Variants in GRM7 observed in about 807,000 individuals in gnomAD.
The protein encoded by GRM7 is glutamate metabotropic receptor 7.
GRM7 carries 35 observed loss-of-function variants against 84.5 expected under a neutral mutation model. That is an observed-to-expected ratio of 0.41 (90% CI 0.32 to 0.55). The LOEUF is 0.55. Among genes scored for constraint, GRM7 ranks in the 20% least tolerant of loss-of-function variants. The probability of loss-of-function intolerance (pLI) is 0.19; values close to 1 mark genes in which losing one functional copy is unlikely to be tolerated. For missense variants in GRM7, 1,003 were observed against 1,194.6 expected (o/e 0.84, Z 2.36); for synonymous variants, 487 against 455.1 (o/e 1.07, Z -0.89).
intron 8 of GRM7, among the ~76,000 whole-genome samples, chr3:7,614,287 G>T (rs1696979678): frequency 6.6e-6 from 1 of 151,556 alleles, no homozygotes; most frequent in South Asian, 2.1e-4. Context: ...TAAATAAATT[G>T]TAATATCCTG....
chr3:7,683,525 TC>T (rs1277058067), intron 9 of GRM7, among the ~76,000 whole-genome samples: 12 of 152,150 alleles, frequency 7.9e-5, no homozygotes, highest in African/African-American at 2.9e-4. Context: ...AGGAGGAGAT[TC>T]ATGTACCTCC....
At chr3:6,965,185 G>A (rs551341905) in intron 1 of GRM7, among the ~76,000 whole-genome samples, 1 of 152,284 alleles carries the variant, frequency 6.6e-6, no homozygotes, top group African/African-American at 2.4e-5. Flanking sequence ...GGAACTGATG[G>A]AAAACTAATG....
chr3:6,995,453 G>T (rs1213240273), intron 1 of GRM7, among the ~76,000 whole-genome samples: 1 of 152,214 alleles, frequency 6.6e-6, no homozygotes, highest in African/African-American at 2.4e-5. Context: ...CCTCTGAGGT[G>T]TTGAGGTTGT....
chr3:7,693,749 G>A, intron 9 of GRM7: 1 of 994,066 alleles, frequency 1.0e-6, no homozygotes, highest in African/African-American at 1.6e-5. Context: ...GCCCACCAAT[G>A]AACTTAATGA....
intron 8 of GRM7, among the ~76,000 whole-genome samples, chr3:7,613,201 T>C (rs1270006373): frequency 1.3e-5 from 2 of 152,308 alleles, no homozygotes; most frequent in Admixed American, 1.3e-4. Flanking sequence ...GCTACCAGAT[T>C]AATAAGGTTT....
intron 2 of GRM7, among the ~76,000 whole-genome samples, chr3:7,294,905 A>G (rs1357757024): frequency 1.3e-5 from 2 of 152,208 alleles, no homozygotes; most frequent in Admixed American, 1.3e-4. Flanking sequence ...TTATTTATAT[A>G]TACTGGATAC....
intron 2 of GRM7, among the ~76,000 whole-genome samples, chr3:7,155,159 G>A (rs1325867314): frequency 2.6e-5 from 4 of 151,986 alleles, no homozygotes; most frequent in Non-Finnish European, 5.9e-5. Flanking sequence ...CTCAAATTTC[G>A]GTATCTCATC....
intron 7 of GRM7, among the ~76,000 whole-genome samples, chr3:7,470,581 G>A (rs1319476651): frequency 6.6e-6 from 1 of 152,084 alleles, no homozygotes; most frequent in East Asian, 1.9e-4. Flanking sequence ...ACATTAGAGA[G>A]CCTAAACCTC....
rs148238268 is a variant in GRM7 at position 6,876,726 on chromosome 3, G to A, written c.519+14819G>A. ...AGACGATTCTCTTGCCTCAGCCACT[G>A]GAGAAGCTGGGATTATAGGCACCCG... On this transcript the variant is annotated intron_variant, in intron 1 of 9. Coordinates refer to ENST00000357716, the MANE Select transcript of GRM7 (RefSeq NM_000844.4). Among the ~76,000 whole-genome samples the A allele has an allele frequency of 7.8e-4, 118 of 150,834 alleles. 2 individuals carry two copies. In the East Asian group the frequency reaches 0.018, roughly 23 times the overall value.
intron 8 of GRM7, among the ~76,000 whole-genome samples, chr3:7,595,572 TC>T (rs2125066499): frequency 6.6e-6 from 1 of 152,198 alleles, no homozygotes; most frequent in South Asian, 2.1e-4. Context: ...ATGTAATATA[TC>T]AGTTGCTTAA....
At chr3:7,333,575 C>T (rs1701293620) in intron 4 of GRM7, among the ~76,000 whole-genome samples, 1 of 151,868 alleles carries the variant, frequency 6.6e-6, no homozygotes, top group Non-Finnish European at 1.5e-5. Context: ...CTATAACATC[C>T]CCAAAAGATC....
intron 1 of GRM7, among the ~76,000 whole-genome samples, chr3:6,916,159 G>A (rs1696932001): frequency 1.3e-5 from 2 of 152,148 alleles, no homozygotes; most frequent in South Asian, 4.1e-4. Context: ...CTGTGTGTCA[G>A]ACACTAAAGA....
intron 4 of GRM7, among the ~76,000 whole-genome samples, chr3:7,411,166 G>A (rs534204779): frequency 5.3e-5 from 8 of 152,228 alleles, no homozygotes; most frequent in African/African-American, 1.9e-4. Context: ...AATAATCCAG[G>A]ATCATCCTGT....
At chr3:7,321,745 CT>C (rs906053727) in intron 4 of GRM7, among the ~76,000 whole-genome samples, 5 of 150,210 alleles carry the variant, frequency 3.3e-5, no homozygotes, top group Non-Finnish European at 6.0e-5. Flanking sequence ...AAATTTCTGT[CT>C]GATGTTTTAA....
intron 1 of GRM7, among the ~76,000 whole-genome samples, chr3:6,973,973 G>A (rs1044121124): frequency 4.6e-5 from 7 of 152,190 alleles, no homozygotes; most frequent in Non-Finnish European, 8.8e-5. Context: ...ACTGAACAGA[G>A]AGACCAGTTA....
chr3:7,224,286 C>T (rs1255121527), intron 2 of GRM7, among the ~76,000 whole-genome samples: 2 of 152,038 alleles, frequency 1.3e-5, no homozygotes, highest in Non-Finnish European at 2.9e-5. Flanking sequence ...AGAGAGGAGG[C>T]GAGGTGCTAT....
At chr3:7,326,294 G>C (rs1351167702) in intron 4 of GRM7, among the ~76,000 whole-genome samples, 1 of 151,954 alleles carries the variant, frequency 6.6e-6, no homozygotes, top group Non-Finnish European at 1.5e-5. Flanking sequence ...CACTTCTTCA[G>C]TGTTGGGCTA....
At position 7,451,555 on chromosome 3, in the gene GRM7, G is replaced by T. The variant is rs1489422453; in HGVS notation, c.1175-1052G>T. ...AATAAAGGAAAATAAATGTGAGAGG[G>T]TAGGCAGGGTCCAGGTAATGAAAAG... On this transcript the variant is annotated intron_variant, in intron 5 of 9. Coordinates refer to ENST00000357716, the MANE Select transcript of GRM7 (RefSeq NM_000844.4). Among the ~76,000 whole-genome samples the T allele has an allele frequency of 2.0e-5, 3 of 152,128 alleles. No homozygotes were observed. In the East Asian group the frequency reaches 5.8e-4, roughly 29 times the overall value.
chr3:7,477,573 G>A (rs1698972600), intron 7 of GRM7, among the ~76,000 whole-genome samples: 1 of 152,158 alleles, frequency 6.6e-6, no homozygotes, highest in Non-Finnish European at 1.5e-5. Flanking sequence ...AAGAGTGAAG[G>A]CTCCACCAAG....
Sources: allele counts gnomAD v4.1 joint callset (sites outside exome capture counted in the v4.1 genomes callset), GRCh38; gene constraint gnomAD v4.1.1; transcripts MANE v1.5; gene names NCBI Gene and HGNC (gene_info 2026-07-23, HGNC 2026-07-21).